ABCA9: variants seen among roughly 807,000 people sequenced by gnomAD.
The protein encoded by ABCA9 is ATP binding cassette subfamily A member 9.
A neutral mutation model predicts 205.3 loss-of-function variants in ABCA9; 183 were observed. That is an observed-to-expected ratio of 0.89 (90% confidence interval 0.79 to 1.01). The LOEUF (loss-of-function observed/expected upper bound fraction) is 1.01. ABCA9 is among the 50% of genes least tolerant of loss of function. The pLI, the probability that ABCA9 is intolerant of heterozygous loss-of-function variation, is 0.00. For missense variants in ABCA9, 1,805 were observed against 1,912.4 expected (o/e 0.94, Z 1.05); for synonymous variants, 651 against 683.3 (o/e 0.95, Z 0.74).
At chr17:69,042,316 T>C (rs974924335) in intron 6 of ABCA9, 5 of 152,212 alleles carry the variant, frequency 3.3e-5, no homozygotes, top group African/African-American at 9.7e-5. Flanking sequence ...GAGAGGTGCA[T>C]ATTATTATCT....
At chr17:68,998,406 G>A (rs939173263) in intron 25 of ABCA9, among the ~76,000 whole-genome samples, 3 of 152,164 alleles carry the variant, frequency 2.0e-5, no homozygotes, top group Non-Finnish European at 2.9e-5. Context: ...TCAGATGTGT[G>A]AAAAGTGACA....
At chr17:69,030,779 G>A (rs2144359408) in intron 10 of ABCA9, among the ~76,000 whole-genome samples, 1 of 152,142 alleles carries the variant, frequency 6.6e-6, no homozygotes, top group Middle Eastern at 3.4e-3. Context: ...TTTTCCATAT[G>A]TTTTGATAGC....
At position 69,011,753 on chromosome 17, in the gene ABCA9, C is replaced by T. The variant is rs2070383554; in HGVS notation, c.3147+223G>A. 4 of 412,226 alleles carry T rather than the reference C, an allele frequency of 9.7e-6. No homozygotes were observed. In the East Asian group the frequency reaches 1.5e-4, roughly 16 times the overall value. 25.5% of individuals were successfully genotyped at this position (412,226 alleles called of 1,614,324 possible). A position where few individuals can be genotyped will look rare whatever the true frequency, so the allele number is the denominator to read the frequency against. ...GATAAACATTTGAAAGTTGTCATTC[C>T]CTGTTAGCAGATGACATCTAAGCTG... is the stretch of plus-strand genomic sequence containing the variant. On this transcript the variant is annotated intron_variant, in intron 23 of 38. Coordinates refer to ENST00000340001, the MANE Select transcript of ABCA9 (RefSeq NM_080283.4).
At chr17:68,986,117 T>C in intron 32 of ABCA9, 47 bp downstream of exon 32, 1 of 1,542,434 alleles carries the variant, frequency 6.5e-7, no homozygotes, top group Non-Finnish European at 8.8e-7. Flanking sequence ...ATGTTATTAA[T>C]ACAACATCCC....
In ABCA9 at chr17:69,035,234, C is replaced by T; in HGVS notation, c.1128+12G>A. The T allele has an allele frequency of 6.5e-7, 1 of 1,533,696 alleles. No homozygotes were observed. The highest frequency in any genetic ancestry group is 8.7e-7 in the Non-Finnish European group (1 of 1,143,636). On this transcript the variant is annotated intron_variant, in intron 8 of 38. Coordinates refer to ENST00000340001, the MANE Select transcript of ABCA9 (RefSeq NM_080283.4). ...GGTTTGTAAAAAGTGAAAGTGTTACCTTAACTCTTACCTGGGCCATCCCAA... is the reference window on the plus strand; with the variant it reads ...GGTTTGTAAAAAGTGAAAGTGTTACTTTAACTCTTACCTGGGCCATCCCAA...
intron 10 of ABCA9, among the ~76,000 whole-genome samples, chr17:69,030,688 C>T (rs1380354457): frequency 1.3e-5 from 2 of 152,064 alleles, no homozygotes; most frequent in Non-Finnish European, 2.9e-5. Flanking sequence ...CTCTTTTTCC[C>T]TATCTTTTCT....
chr17:69,026,972 T>A lies in ABCA9; in HGVS notation c.2050+4A>T. ...GAAGATACATAAGAGAAACAAAAAA[T>A]TACCCGCCAGAATGTCAGCCTCATC... On this transcript the variant is annotated splice_donor_region_variant and intron_variant, in intron 15 of 38. Coordinates refer to ENST00000340001, the MANE Select transcript of ABCA9 (RefSeq NM_080283.4). The A allele has an allele frequency of 6.2e-7, 1 of 1,613,652 alleles. No homozygotes were observed. The highest frequency in any genetic ancestry group is 8.5e-7 in the Non-Finnish European group (1 of 1,179,834).
At position 69,016,327 on chromosome 17, in the gene ABCA9, C is replaced by T; in HGVS notation, c.2965G>A (p.Val989Ile). The T allele has an allele frequency of 6.2e-7, 1 of 1,603,030 alleles. No homozygotes were observed. The highest frequency in any genetic ancestry group is 8.5e-7 in the Non-Finnish European group (1 of 1,175,912). Residue 989 changes from valine to isoleucine, a missense_variant, in exon 22 of 39, where the codon GTC (valine) becomes ATC (isoleucine). Coordinates refer to ENST00000340001, the MANE Select transcript of ABCA9 (RefSeq NM_080283.4). The stretch of plus-strand genomic sequence containing the variant: ...ATTCCAAGTAGTCCATTGCTAATGA[C>T]ATCCAGGAGGACAGGAAAGCAATTC... Reference protein sequence around the residue: ...RLNCFPVLLDVISNGLLGIFN... With the variant: ...RLNCFPVLLDIISNGLLGIFN...
At chr17:69,027,219 A>G in intron 14 of ABCA9, 105 bp from the exon 15 acceptor site, 1 of 1,565,286 alleles carries the variant, frequency 6.4e-7, no homozygotes, top group Non-Finnish European at 8.7e-7. Context: ...TTAGTACTTA[A>G]TATTTCATCC....
intron 37 of ABCA9, among the ~76,000 whole-genome samples, chr17:68,980,450 A>C (rs559506330): frequency 2.0e-5 from 3 of 152,112 alleles, no homozygotes; most frequent in Non-Finnish European, 2.9e-5. Flanking sequence ...TACCCAAAGG[A>C]TTATAAATCA....
At position 69,027,099 on chromosome 17, in the gene ABCA9, CA is replaced by C. The variant is rs1442378275; in HGVS notation, c.1926del (p.Asp642GlufsTer19). 1.2e-6 allele frequency: 2 copies of C among 1,613,908 alleles called. No individual in the cohort carries two copies. Among genetic ancestry groups the C allele is most frequent in the Non-Finnish European group, 1.7e-6 (2 of 1,180,000 alleles). On this transcript the variant is annotated frameshift_variant, in exon 15 of 39. Coordinates refer to ENST00000340001, the MANE Select transcript of ABCA9 (RefSeq NM_080283.4). LOFTEE classifies it high-confidence loss of function. Reference sequence around the variant, plus strand: ...AGAGGATCCAATCCAGCAGTCGGTTCATCCAATAGCAAAACCTGGACAGGAG... The same window carrying C: ...AGAGGATCCAATCCAGCAGTCGGTTCTCCAATAGCAAAACCTGGACAGGAG... ...ILGDPQVLLL[D>X]EPTAGLDPLS...
chr17:69,064,714 T>G (rs2072327907), upstream of ABCA9, among the ~76,000 whole-genome samples: 1 of 152,236 alleles, frequency 6.6e-6, no homozygotes, highest in Non-Finnish European at 1.5e-5. Context: ...TGCTAGAGAC[T>G]CTACTCTCCA....
At chr17:69,046,782 T>G (rs1471261267) in intron 3 of ABCA9, among the ~76,000 whole-genome samples, 1 of 149,920 alleles carries the variant, frequency 6.7e-6, no homozygotes, top group Non-Finnish European at 1.5e-5. Flanking sequence ...ATACACATAA[T>G]AAGAAATCTT....
chr17:69,016,477 A>G (rs2070618555), intron 21 of ABCA9, 87 bp from the exon 22 acceptor site: 1 of 1,231,338 alleles, frequency 8.1e-7, no homozygotes, highest in Admixed American at 2.7e-5. Context: ...CATTCAAGTT[A>G]CTGATAATAT....
intron 28 of ABCA9, among the ~76,000 whole-genome samples, chr17:68,991,222 G>T (rs946315564): frequency 1.3e-5 from 2 of 152,156 alleles, no homozygotes; most frequent in Non-Finnish European, 2.9e-5. Flanking sequence ...AAAGAAGAAA[G>T]TGGTATACAC....
At chr17:69,003,305 C>A (rs2069962335) in intron 25 of ABCA9, among the ~76,000 whole-genome samples, 1 of 151,694 alleles carries the variant, frequency 6.6e-6, no homozygotes. Context: ...TCTTTTAGGG[C>A]AGGCCTGGTG....
chr17:68,991,006 G>A (rs182676491), intron 28 of ABCA9, 49 bp from the exon 29 acceptor site: 1 of 1,577,480 alleles, frequency 6.3e-7, no homozygotes, highest in Admixed American at 2.0e-5. Context: ...TAAAAATCTT[G>A]TATCAAAATT....
intron 31 of ABCA9, among the ~76,000 whole-genome samples, chr17:68,987,732 T>A (rs960668381): frequency 6.7e-6 from 1 of 148,688 alleles, no homozygotes; most frequent in South Asian, 2.2e-4. Context: ...ATGACCTCAT[T>A]TGCGTTTTTT....
chr17:69,070,134 A>G, the ABCA9 span, among the ~76,000 whole-genome samples: 1 of 152,190 alleles, frequency 6.6e-6, no homozygotes, highest in African/African-American at 2.4e-5. Flanking sequence ...GTTATTTATC[A>G]CAGGTTTGGA....
Sources: allele counts gnomAD v4.1 joint callset (sites outside exome capture counted in the v4.1 genomes callset), GRCh38; gene constraint gnomAD v4.1.1; transcripts MANE v1.5; gene names NCBI Gene and HGNC (gene_info 2026-07-23, HGNC 2026-07-21).